Variants in CIT observed in about 807,000 individuals in gnomAD.
CIT encodes the protein citron Rho-interacting kinase.
A neutral mutation model predicts 272.7 loss-of-function variants in CIT; 79 were observed. That is an observed-to-expected ratio of 0.29 (90% CI 0.24 to 0.35). CIT has a LOEUF of 0.35. CIT is among the 10% of genes least tolerant of loss of function. CIT has a pLI of 1.00. For missense variants in CIT, 1,909 were observed against 2,618.3 expected, an observed-to-expected ratio of 0.73 and a Z score of 5.91; for synonymous variants, 948 against 995.6, an observed-to-expected ratio of 0.95 and a Z score of 0.90.
chr12:119,848,078 A>C (rs1969945102), intron 5 of CIT, among the ~76,000 whole-genome samples: 1 of 152,170 alleles, frequency 6.6e-6, no homozygotes, highest in South Asian at 2.1e-4. Context: ...CCATGTCTCA[A>C]GGAAGGAAAG....
Position 119,784,446 on chromosome 12 carries a change from G to C in CIT, c.1402-395C>G. 1 of 1,203,774 alleles carries C rather than the reference G, an allele frequency of 8.3e-7. No individual in the cohort carries two copies. The highest frequency in any genetic ancestry group is 1.6e-5 in the African/African-American group (1 of 63,264). 74.6% of individuals were successfully genotyped at this position (1,203,774 alleles called of 1,614,324 possible). A position where few individuals can be genotyped will look rare whatever the true frequency, so the allele number is the denominator to read the frequency against. ...AGATCTAGAGGACAAATCCAGGACA[G>C]GGCAAGGAGATATTTATTCGTCTGC... On this transcript the variant is annotated intron_variant, in intron 11 of 47. Transcript: ENST00000392521. This position sits in a 1 kb window ranked among gnomAD's most constrained non-coding sequence, Gnocchi z 4.7.
Position 119,687,965 on chromosome 12 carries a change from T to C in CIT, c.*267A>G, listed in dbSNP as rs1955669040. 1 of 525,182 alleles carries C rather than the reference T, an allele frequency of 1.9e-6. No individual in the cohort carries two copies. Among genetic ancestry groups the C allele is most frequent in the Non-Finnish European group, 3.4e-6 (1 of 295,356 alleles). 32.5% of individuals were successfully genotyped at this position (525,182 alleles called of 1,614,324 possible). On this transcript the variant is annotated 3_prime_UTR_variant, in exon 48 of 48. Coordinates refer to ENST00000392521, the MANE Select transcript of CIT (RefSeq NM_001206999.2). ...CAGGCTAGAGCTAGGTACAAAAGTT[T>C]GTGAATGCTTTGAAAGAGTAACAAA... is the stretch of plus-strand genomic sequence containing the variant.
chr12:119,686,187 C>T lies in CIT; in HGVS notation c.*2045G>A, dbSNP rs1215968309. The stretch of plus-strand genomic sequence containing the variant: ...TTGTAAATATGTACAGTCTTTTGAG[C>T]TAGTTCTATATAGCAGAAAGCAGTT... On this transcript the variant is annotated 3_prime_UTR_variant, in exon 48 of 48. Coordinates refer to ENST00000392521, the MANE Select transcript of CIT (RefSeq NM_001206999.2). 6.6e-6 allele frequency: 1 copy of T among 151,688 alleles called. No individual in the cohort carries two copies. The highest frequency in any genetic ancestry group is 1.5e-5 in the Non-Finnish European group (1 of 67,916). 9.4% of individuals were successfully genotyped at this position (151,688 alleles called of 1,614,324 possible).
Position 119,784,820 on chromosome 12 carries a change from G to A in CIT, c.1401+140C>T, listed in dbSNP as rs17527257. The A allele has an allele frequency of 0.016, 23,477 of 1,445,756 alleles. 246 individuals carry two copies. The highest frequency in any genetic ancestry group is 0.019 in the Non-Finnish European group (20,479 of 1,099,858). The allele number at this position is 1,445,756 out of a possible 1,614,324, so 89.6% of individuals were successfully genotyped here. A position where few individuals can be genotyped will look rare whatever the true frequency, so the allele number is the denominator to read the frequency against. ...TCTCCCTCTGAGCTGCTGGAGGCGC[G>A]ACTTCAGCGAAGGCAGGAGCGCCTC... On this transcript the variant is annotated intron_variant, in intron 11 of 47. Coordinates refer to ENST00000392521, the MANE Select transcript of CIT (RefSeq NM_001206999.2). This position sits in a 1 kb window ranked among gnomAD's most constrained non-coding sequence, Gnocchi z 4.7.
intron 23 of CIT, among the ~76,000 whole-genome samples, chr12:119,750,936 G>A (rs566339739): frequency 2.0e-5 from 3 of 152,210 alleles, no homozygotes; most frequent in South Asian, 4.1e-4. Flanking sequence ...CAGCATCTAA[G>A]TTGAGTCAGA....
intron 4 of CIT, among the ~76,000 whole-genome samples, chr12:119,857,133 C>A (rs930745886): frequency 6.6e-6 from 1 of 152,176 alleles, no homozygotes; most frequent in African/African-American, 2.4e-5. Flanking sequence ...TGTTTTAAAA[C>A]CAAATCCATA....
At chr12:119,848,041 C>A (rs1017055587) in intron 5 of CIT, among the ~76,000 whole-genome samples, 5 of 152,172 alleles carry the variant, frequency 3.3e-5, no homozygotes, top group African/African-American at 9.7e-5. Context: ...ACACCAAGGT[C>A]ATCTGTGAAG....
At chr12:119,820,609 G>A (rs752882074) in intron 9 of CIT, among the ~76,000 whole-genome samples, 8 of 152,240 alleles carry the variant, frequency 5.3e-5, no homozygotes, top group Non-Finnish European at 7.4e-5. Context: ...TGAAGGGTAT[G>A]TGGGAACTCT....
chr12:119,745,780 A>G (rs1186247323), intron 23 of CIT, among the ~76,000 whole-genome samples: 2 of 151,698 alleles, frequency 1.3e-5, no homozygotes, highest in Non-Finnish European at 2.9e-5. Flanking sequence ...TGTATCTCAA[A>G]AATATGTACG....
At chr12:119,852,447 C>T (rs914646964) in intron 4 of CIT, among the ~76,000 whole-genome samples, 1 of 152,146 alleles carries the variant, frequency 6.6e-6, no homozygotes, top group African/African-American at 2.4e-5. Flanking sequence ...GGTGTGGTGG[C>T]TCACGCCTGA....
chr12:119,765,331 G>T (rs1000930855), intron 19 of CIT, among the ~76,000 whole-genome samples: 1 of 146,022 alleles, frequency 6.8e-6, no homozygotes, highest in African/African-American at 2.6e-5. Flanking sequence ...TGAGCCTACT[G>T]TGCTGAGCAA....
chr12:119,855,337 G>A (rs1387834018), intron 4 of CIT, among the ~76,000 whole-genome samples: 1 of 151,726 alleles, frequency 6.6e-6, no homozygotes, highest in Non-Finnish European at 1.5e-5. Flanking sequence ...ATAGGAGAAT[G>A]GTGTGAACCT....
chr12:119,839,492 G>A (rs893438070), intron 5 of CIT, among the ~76,000 whole-genome samples: 5 of 152,176 alleles, frequency 3.3e-5, no homozygotes, highest in African/African-American at 4.8e-5. Flanking sequence ...CATGAGGGAG[G>A]AGAGAAGGGG....
chr12:119,850,117 G>C, intron 5 of CIT, 57 bp downstream of exon 5: 1 of 1,045,632 alleles, frequency 9.6e-7, no homozygotes, highest in Non-Finnish European at 1.5e-6. Context: ...TTCTACCACA[G>C]GCATCTGAGT....
At chr12:119,709,777 AGAGAGAGAGAGTGTGTGTGTGT>A (rs1957060861) in intron 39 of CIT, among the ~76,000 whole-genome samples, 2 of 58,950 alleles carry the variant, frequency 3.4e-5, no homozygotes, top group Non-Finnish European at 6.9e-5. Context: ...AGAGAGAGAG[AGAGAGAGAGAGTGTGTGTGTGT>A]GTGTGTGTGT....
chr12:119,822,927 A>G lies in CIT; in HGVS notation c.1004T>C (p.Leu335Pro). 1.2e-6 allele frequency: 2 copies of G among 1,614,110 alleles called. No individual in the cohort carries two copies. The highest frequency in any genetic ancestry group is 1.7e-6 in the Non-Finnish European group (2 of 1,180,010). Residue 335 changes from leucine to proline, a missense_variant, in exon 9 of 48, where the codon CTT becomes CCT. Physicochemically the swap from Leu to Pro is moderately conservative, Grantham distance 98. This residue lies in a region of CIT where 529 missense variants were observed against 549.6 expected (regional missense o/e 0.96). Coordinates refer to ENST00000392521, the MANE Select transcript of CIT (RefSeq NM_001206999.2). ...PDDPKVSSDF[L>P]DLIQSLLCGQ... ...GCACAACAAGCTTTGAATCAGATCA[A>G]GAAAGTCACTGCTCACTTTGGGGTC...
chr12:119,713,164 GC>G lies in CIT; in HGVS notation c.4579+38del, dbSNP rs774915927. 6.6e-7 allele frequency: 1 copy of G among 1,516,596 alleles called. No individual in the cohort carries two copies. Among genetic ancestry groups the G allele is most frequent in the South Asian group, 1.1e-5 (1 of 87,902 alleles). 93.9% of individuals were successfully genotyped at this position (1,516,596 alleles called of 1,614,324 possible). A position where few individuals can be genotyped will look rare whatever the true frequency, so the allele number is the denominator to read the frequency against. On this transcript the variant is annotated intron_variant, in intron 35 of 47. Transcript: ENST00000392521. This position sits in a 1 kb window ranked among gnomAD's most constrained non-coding sequence, Gnocchi z 5.2. ...GCCAGCACTGGGGAGACCTGGGTTA[GC>G]CACGTGCAATGACCTTCCCCCTGAA... is the stretch of plus-strand genomic sequence containing the variant.
chr12:119,781,142 G>A (rs1964249966), intron 13 of CIT, among the ~76,000 whole-genome samples: 1 of 152,178 alleles, frequency 6.6e-6, no homozygotes, highest in Non-Finnish European at 1.5e-5. Context: ...GTTGATAAAA[G>A]GAGCATGAGT....
intron 22 of CIT, among the ~76,000 whole-genome samples, chr12:119,754,412 C>G (rs912668618): frequency 2.0e-5 from 3 of 152,200 alleles, no homozygotes; most frequent in Non-Finnish European, 2.9e-5. Context: ...CCATCAGTCA[C>G]AGCAGAGTGG....
Sources: allele counts gnomAD v4.1 joint callset (sites outside exome capture counted in the v4.1 genomes callset), GRCh38; gene constraint gnomAD v4.1.1; regional missense constraint gnomAD v4.1.1; non-coding constraint Gnocchi (gnomAD v3.1); transcripts MANE v1.5; gene names NCBI Gene and HGNC (gene_info 2026-07-23, HGNC 2026-07-21).